NNMT: variants seen among roughly 807,000 people sequenced by gnomAD.
The protein encoded by NNMT is nicotinamide N-methyltransferase.
NNMT carries 10 observed loss-of-function variants against 11.7 expected under a neutral mutation model. That is an observed-to-expected ratio of 0.85 (90% CI 0.53 to 1.45). The LOEUF is 1.45. NNMT is among the 40% of genes most tolerant of loss of function. NNMT has a pLI of 0.00. For missense variants in NNMT, 381 were observed against 319.4 expected (o/e 1.19, Z -1.47); for synonymous variants, 143 against 133.8 (o/e 1.07, Z -0.48).
chr11:114,264,394 T>C (rs1473446820), intron 2 of NNMT, among the ~76,000 whole-genome samples: 1 of 152,236 alleles, frequency 6.6e-6, no homozygotes, highest in East Asian at 1.9e-4. Flanking sequence ...GGTTCCACCA[T>C]GCAAAATGCA....
At chr11:114,281,916 G>C (rs17116793) in intron 2 of NNMT, among the ~76,000 whole-genome samples, 45,701 of 151,986 alleles carry the variant, frequency 0.3, 8,109 homozygotes, top group African/African-American at 0.5. Flanking sequence ...AGTGACTCCT[G>C]TGCGAACTAG....
chr11:114,296,704 T>A lies in NNMT; in HGVS notation c.148T>A (p.Cys50Ser). The change falls in exon 1 of 3, where the codon TGC (cysteine) becomes AGC (serine). Residue 50 changes from cysteine (C) to serine (S), a missense_variant. By Grantham distance (112) the Cys-to-Ser change is moderately radical. Transcript: ENST00000299964. ...HLLKNLFKIFCLDGVKGDLLI... is the reference protein window; with the variant it reads ...HLLKNLFKIFSLDGVKGDLLI... ...TCTGAAAAATCTTTTCAAGATATTC[T>A]GCCTAGGTAAGTCTGTTGTCTGCAT... 1 of 1,614,184 alleles carries A rather than the reference T, an allele frequency of 6.2e-7. No homozygotes were observed. Among genetic ancestry groups the A allele is most frequent in the Non-Finnish European group, 8.5e-7 (1 of 1,180,000 alleles).
chr11:114,310,668 G>C (rs1304837206), intron 2 of NNMT, among the ~76,000 whole-genome samples: 1 of 152,234 alleles, frequency 6.6e-6, no homozygotes, highest in Non-Finnish European at 1.5e-5. Flanking sequence ...TCAGATGGTA[G>C]AGTGTGTGTT....
intron 2 of NNMT, among the ~76,000 whole-genome samples, chr11:114,279,144 A>G (rs1046283100): frequency 6.6e-6 from 1 of 152,196 alleles, no homozygotes; most frequent in African/African-American, 2.4e-5. Flanking sequence ...ACGTGGGCCC[A>G]GTGTGAGTAG....
intron 2 of NNMT, among the ~76,000 whole-genome samples, chr11:114,280,778 G>A (rs1290461387): frequency 6.6e-6 from 1 of 152,096 alleles, no homozygotes; most frequent in Non-Finnish European, 1.5e-5. Context: ...CACTCTCTGG[G>A]CACAAGAGGG....
intron 2 of NNMT, among the ~76,000 whole-genome samples, chr11:114,277,309 C>G (rs1269364903): frequency 6.6e-6 from 1 of 151,960 alleles, no homozygotes; most frequent in Non-Finnish European, 1.5e-5. Flanking sequence ...TCGTAAGACC[C>G]CAAAGATATA....
At chr11:114,258,142 C>A (rs116801837) in intron 1 of NNMT, among the ~76,000 whole-genome samples, 11 of 152,326 alleles carry the variant, frequency 7.2e-5, no homozygotes, top group African/African-American at 2.4e-4. Flanking sequence ...CCAGAACACA[C>A]TCACCAGGAG....
chr11:114,298,068 T>C lies in NNMT; in HGVS notation c.272T>C (p.Leu91Pro). The change falls in exon 2 of 3, where the codon CTG becomes CCG. Residue 91 changes from leucine to proline, a missense_variant. Leu to Pro is a moderately conservative substitution (Grantham distance 98, BLOSUM62 -3). Transcript: ENST00000299964. ...GTCACTGACTACTCAGACCAGAACC[T>C]GCAGGAGCTGGAGAAGTGGCTGAAG... ...IVVTDYSDQN[L>P]QELEKWLKKE... 1 of 1,614,152 alleles carries C rather than the reference T, an allele frequency of 6.2e-7. No homozygotes were observed. Among genetic ancestry groups the C allele is most frequent in the Non-Finnish European group, 8.5e-7 (1 of 1,180,026 alleles).
chr11:114,295,120 A>G (rs1178176278), upstream of NNMT, among the ~76,000 whole-genome samples: 1 of 152,202 alleles, frequency 6.6e-6, no homozygotes, highest in African/African-American at 2.4e-5. Flanking sequence ...ACTTGGTTGC[A>G]ATGGTTATCT....
At chr11:114,295,142 C>T (rs968095820), upstream of NNMT, among the ~76,000 whole-genome samples, 1 of 152,146 alleles carries the variant, frequency 6.6e-6, no homozygotes, top group Non-Finnish European at 1.5e-5. Flanking sequence ...GAGGAATGGG[C>T]CAACTGGTGG....
intron 2 of NNMT, among the ~76,000 whole-genome samples, chr11:114,289,163 A>G (rs59933911): frequency 0.014 from 2,059 of 152,338 alleles, 38 homozygotes; most frequent in African/African-American, 0.046. Context: ...TAATGTTTCA[A>G]TGTATAGGCA....
At chr11:114,280,012 G>C (rs1945247624) in intron 2 of NNMT, among the ~76,000 whole-genome samples, 1 of 152,236 alleles carries the variant, frequency 6.6e-6, no homozygotes, top group South Asian at 2.1e-4. Flanking sequence ...TGACAAAGGT[G>C]GGGTCACGGA....
chr11:114,259,347 T>TGG lies in NNMT; in HGVS notation c.-217+1479_-217+1480dup, dbSNP rs762411732. Among the ~76,000 whole-genome samples, 1,081 of 114,920 alleles carry TGG rather than the reference T, an allele frequency of 9.4e-3. 63 individuals carry two copies. The highest frequency in any genetic ancestry group is 0.03 in the African/African-American group (767 of 25,938). The allele number at this position is 114,920 out of a possible 152,430, so 75.4% of individuals were successfully genotyped here. On this transcript the variant is annotated intron_variant, in intron 1 of 4. Coordinates refer to the NNMT transcript ENST00000535401. ...CGTGTACACACACGCAGAGGCCCAG[T>TGG]GGGGGGGGGGGAGCTCCTGCATCCC...
intron 2 of NNMT, among the ~76,000 whole-genome samples, chr11:114,276,776 C>G (rs1415997465): frequency 6.6e-6 from 1 of 152,218 alleles, no homozygotes; most frequent in East Asian, 1.9e-4. Context: ...CATCCTCACC[C>G]CTGCGAATAC....
intron 2 of NNMT, chr11:114,270,640 C>T (rs1287504748): frequency 6.6e-6 from 1 of 152,248 alleles, no homozygotes; most frequent in Non-Finnish European, 1.5e-5. Context: ...AGGTCTCTCT[C>T]CTTGGCTTGC....
At chr11:114,304,337 A>G (rs540900199) in intron 2 of NNMT, among the ~76,000 whole-genome samples, 15 of 152,306 alleles carry the variant, frequency 9.8e-5, no homozygotes, top group African/African-American at 3.6e-4. Context: ...ATCTAGCAGG[A>G]TAGTAAAAGC....
intron 2 of NNMT, among the ~76,000 whole-genome samples, chr11:114,265,656 G>A (rs1300634175): frequency 6.6e-6 from 1 of 152,172 alleles, no homozygotes; most frequent in African/African-American, 2.4e-5. Flanking sequence ...AAATCTGGGA[G>A]ACTGAGTGTG....
intron 2 of NNMT, among the ~76,000 whole-genome samples, chr11:114,275,454 G>T (rs985952431): frequency 5.3e-5 from 8 of 152,326 alleles, no homozygotes; most frequent in African/African-American, 1.9e-4. Flanking sequence ...TGGGCTGATT[G>T]TCAGAAGCAC....
At chr11:114,299,801 T>A (rs1196773129) in intron 2 of NNMT, among the ~76,000 whole-genome samples, 1 of 152,070 alleles carries the variant, frequency 6.6e-6, no homozygotes, top group East Asian at 1.9e-4. Context: ...GGCATTTTTT[T>A]TTTTTTACAA....
Sources: allele counts gnomAD v4.1 joint callset (sites outside exome capture counted in the v4.1 genomes callset), GRCh38; gene constraint gnomAD v4.1.1; transcripts MANE v1.5; gene names NCBI Gene and HGNC (gene_info 2026-07-23, HGNC 2026-07-21).